DNAH2: variants seen among roughly 807,000 people sequenced by gnomAD.
DNAH2 encodes the protein axonemal beta dynein heavy chain 2.
In DNAH2, 323 loss-of-function variants were observed where a neutral mutation model predicts 523.5. That is an observed-to-expected ratio of 0.62 (90% CI 0.56 to 0.68). The LOEUF is 0.68. DNAH2 is among the 30% of genes least tolerant of loss of function. The pLI, the probability that DNAH2 is intolerant of heterozygous loss-of-function variation, is 0.00. For missense variants in DNAH2, 4,907 were observed against 5,701.5 expected (o/e 0.86, Z 4.49); for synonymous variants, 2,093 against 2,177.4 (o/e 0.96, Z 1.08).
intron 77 of DNAH2, among the ~76,000 whole-genome samples, chr17:7,827,715 G>A (rs190411671): frequency 6.6e-6 from 1 of 151,436 alleles, no homozygotes; most frequent in Admixed American, 6.6e-5. Context: ...CAAACTGTTG[G>A]GATTACACGC....
In DNAH2 at chr17:7,821,740, T is replaced by C. The variant is rs964193545; in HGVS notation, c.11142+371T>C. ...CAGCTTTTCTCCTCTCTCTGTCGCA[T>C]CTACCGCTCTGGCTAGATCCAGCTC... On this transcript the variant is annotated intron_variant, in intron 73 of 85. Transcript: ENST00000572933. The surrounding 1 kb of genome is among the most constrained non-coding windows in gnomAD (Gnocchi z 5.0). Among the ~76,000 whole-genome samples the C allele has an allele frequency of 1.3e-5, 2 of 152,116 alleles. No individual in the cohort carries two copies. Among genetic ancestry groups the C allele is most frequent in the African/African-American group, 4.8e-5 (2 of 41,396 alleles).
intron 5 of DNAH2, among the ~76,000 whole-genome samples, chr17:7,733,712 C>T (rs2075059591): frequency 6.6e-6 from 1 of 152,032 alleles, no homozygotes; most frequent in South Asian, 2.1e-4. Context: ...CTCCTGACCT[C>T]ATGATCCACC....
rs917946041 is a variant in DNAH2, at chr17:7,793,351, G to C, written c.7569+146G>C. On this transcript the variant is annotated intron_variant, in intron 48 of 85. Coordinates refer to ENST00000572933, the MANE Select transcript of DNAH2 (RefSeq NM_020877.5). ...GTCCTTCTCCATGACAGCAGTTCTCGGCTCCCCACTCACGAGCCAGGCATC... is the reference window on the plus strand; with the variant it reads ...GTCCTTCTCCATGACAGCAGTTCTCCGCTCCCCACTCACGAGCCAGGCATC... The C allele has an allele frequency of 3.8e-6, 3 of 779,918 alleles. No individual in the cohort carries two copies. The Admixed American group carries it at 8.7e-5, about 23-fold the overall frequency. 48.3% of individuals were successfully genotyped at this position (779,918 alleles called of 1,614,324 possible). A position where few individuals can be genotyped will look rare whatever the true frequency, so the allele number is the denominator to read the frequency against.
At chr17:7,825,598 A>C (rs571761676) in intron 77 of DNAH2, among the ~76,000 whole-genome samples, 1 of 152,336 alleles carries the variant, frequency 6.6e-6, no homozygotes, top group African/African-American at 2.4e-5. Context: ...CCAGATTGCA[A>C]TACTTACTCC....
intron 3 of DNAH2, among the ~76,000 whole-genome samples, chr17:7,723,991 G>C (rs1428118045): frequency 6.6e-6 from 1 of 152,154 alleles, no homozygotes; most frequent in Non-Finnish European, 1.5e-5. Flanking sequence ...TGAATGAGCT[G>C]GGAAGATATT....
chr17:7,810,636 G>A (rs899768621), intron 63 of DNAH2, among the ~76,000 whole-genome samples: 9 of 152,040 alleles, frequency 5.9e-5, no homozygotes, highest in African/African-American at 1.7e-4. Context: ...TGATCTGCCC[G>A]TCTCGGCCTC....
In DNAH2 at chr17:7,831,689, A is replaced by G. The variant is rs778577605; in HGVS notation, c.12640A>G (p.Ile4214Val). The G allele has an allele frequency of 4.3e-6, 7 of 1,614,036 alleles. No individual in the cohort carries two copies. The African/African-American group carries it at 9.3e-5, about 22-fold the overall frequency. Residue 4214 changes from isoleucine to valine, a missense_variant, in exon 82 of 86, where the codon ATC (isoleucine) becomes GTC (valine). Transcript: ENST00000572933. This position sits in a 1 kb window ranked among gnomAD's most constrained non-coding sequence, Gnocchi z 4.2. ...LFSLTDLEKG[I>V]QGLIVMSTSL... ...CTCACTGACAGACCTAGAGAAAGGC[A>G]TCCAGGGTCTCATCGTCATGTCTAC... is the stretch of plus-strand genomic sequence containing the variant.
At chr17:7,753,552 A>ATAG (rs1251368437) in intron 12 of DNAH2, among the ~76,000 whole-genome samples, 2 of 152,152 alleles carry the variant, frequency 1.3e-5, no homozygotes, top group African/African-American at 4.8e-5. Context: ...TGGAGAGAGG[A>ATAG]GGATACTCCT....
chr17:7,816,078 G>A (rs1391651893), intron 63 of DNAH2, among the ~76,000 whole-genome samples: 1 of 152,190 alleles, frequency 6.6e-6, no homozygotes, highest in Non-Finnish European at 1.5e-5. Context: ...GGGATTACAG[G>A]CATGAGCCAC....
Position 7,788,118 on chromosome 17 carries a change from A to C in DNAH2, c.6774A>C (p.Glu2258Asp), listed in dbSNP as rs1477563619. ...TGGAGCCCCTTCAACGCATGTTCGA[A>C]AAGCTCATCAACAAGATGCTGGCCT... is the stretch of plus-strand genomic sequence containing the variant. ...AEVEPLQRMF[E>D]KLINKMLAFK... The change falls in exon 44 of 86, where the codon GAA becomes GAC. Residue 2258 changes from glutamate (E) to aspartate (D), a missense_variant. Coordinates refer to ENST00000572933, the MANE Select transcript of DNAH2 (RefSeq NM_020877.5). 1 of 1,614,248 alleles carries C rather than the reference A, an allele frequency of 6.2e-7. No individual in the cohort carries two copies. The highest frequency in any genetic ancestry group is 2.2e-5 in the East Asian group (1 of 44,886).
At chr17:7,775,175 C>T in intron 29 of DNAH2, 66 bp from the exon 30 acceptor site, 1 of 1,532,444 alleles carries the variant, frequency 6.5e-7, no homozygotes, top group Non-Finnish European at 8.9e-7. Flanking sequence ...TCAAAAGGCC[C>T]CAGGACTTCT....
chr17:7,752,420 G>C (rs1006298249), intron 12 of DNAH2, among the ~76,000 whole-genome samples: 1 of 152,018 alleles, frequency 6.6e-6, no homozygotes, highest in African/African-American at 2.4e-5. Flanking sequence ...CGTAAAACTT[G>C]TATGTTCAGG....
intron 8 of DNAH2, chr17:7,739,148 G>A: frequency 1.7e-6 from 1 of 572,982 alleles, no homozygotes; most frequent in Non-Finnish European, 3.2e-6. Flanking sequence ...GCTCACGCCT[G>A]TAATCCCAGC....
chr17:7,768,214 C>A lies in DNAH2; in HGVS notation c.3888C>A (p.Phe1296Leu). 6.2e-7 allele frequency: 1 copy of A among 1,614,158 alleles called. No individual in the cohort carries two copies. The highest frequency in any genetic ancestry group is 8.5e-7 in the Non-Finnish European group (1 of 1,180,020). ...IETTRSKIEQFKRTMPLISDL... is the reference protein window; with the variant it reads ...IETTRSKIEQLKRTMPLISDL... ...CCACTCGCTCAAAAATAGAGCAGTT[C>A]AAGAGGACCATGCCTCTCATCTCAG... The change falls in exon 24 of 86, where the codon TTC (phenylalanine) becomes TTA (leucine). Residue 1296 changes from phenylalanine to leucine, a missense_variant. Phe to Leu is a conservative substitution (Grantham distance 22). This residue lies in a region of DNAH2 where 2,806 missense variants were observed against 3,190.8 expected (regional missense o/e 0.88). Transcript: ENST00000572933.
At position 7,807,527 on chromosome 17, in the gene DNAH2, T is replaced by A. The variant is rs764025213; in HGVS notation, c.9670T>A (p.Leu3224Met). ...CAAGCGAATCCGAATGAACGCTGCCTTGGCTCAGCTTCGGGAGAAGCAAGC... is the reference window on the plus strand; with the variant it reads ...CAAGCGAATCCGAATGAACGCTGCCATGGCTCAGCTTCGGGAGAAGCAAGC... ...EPKRIRMNAA[L>M]AQLREKQAAL... The change falls in exon 63 of 86, where the codon TTG (leucine) becomes ATG (methionine). Residue 3224 changes from leucine to methionine, a missense_variant. Physicochemically the swap from Leu to Met is conservative, Grantham distance 15 (BLOSUM62 2). Transcript: ENST00000572933. This position sits in a 1 kb window ranked among gnomAD's most constrained non-coding sequence, Gnocchi z 5.6. 6.2e-7 allele frequency: 1 copy of A among 1,613,444 alleles called. No individual in the cohort carries two copies. The highest frequency in any genetic ancestry group is 8.5e-7 in the Non-Finnish European group (1 of 1,180,020).
At chr17:7,763,728 C>A (rs2090218074) in intron 18 of DNAH2, 103 bp from the exon 19 acceptor site, 3 of 1,399,112 alleles carry the variant, frequency 2.1e-6, no homozygotes, top group Non-Finnish European at 3.0e-6. Flanking sequence ...AGAACTGCTG[C>A]CCAGGTTTGG....
In DNAH2 at chr17:7,832,366, C is replaced by T. The variant is rs1212167620; in HGVS notation, c.12727-213C>T. On this transcript the variant is annotated intron_variant, in intron 82 of 85. Transcript: ENST00000572933. The surrounding 1 kb of genome is among the most constrained non-coding windows in gnomAD (Gnocchi z 4.3). ...CTACTAAAAAAATACAAAAATTAGC[C>T]GGGCGTGATGGTGGGCGCCTGTAAT... Among the ~76,000 whole-genome samples, 1 of 151,858 alleles carries T rather than the reference C, an allele frequency of 6.6e-6. No homozygotes were observed. The highest frequency in any genetic ancestry group is 2.4e-5 in the African/African-American group (1 of 41,318).
chr17:7,826,522 G>C lies in DNAH2; in HGVS notation c.11853+1795G>C, dbSNP rs542449957. Among the ~76,000 whole-genome samples the C allele has an allele frequency of 7.4e-5, 11 of 148,056 alleles. No homozygotes were observed. In the South Asian group the frequency reaches 2.1e-3, roughly 29 times the overall value. On this transcript the variant is annotated intron_variant, in intron 77 of 85. Coordinates refer to ENST00000572933, the MANE Select transcript of DNAH2 (RefSeq NM_020877.5). ...AAGGATCATGATTCCTTGAATATCTGTGTGCCCATCATCTTTTTTTTTTTT... is the reference window on the plus strand; with the variant it reads ...AAGGATCATGATTCCTTGAATATCTCTGTGCCCATCATCTTTTTTTTTTTT...
At position 7,831,285 on chromosome 17, in the gene DNAH2, A is replaced by G; in HGVS notation, c.12430A>G (p.Arg4144Gly). ...LSLQPQITPTRAGGQTREEKV... is the reference protein window; with the variant it reads ...LSLQPQITPTGAGGQTREEKV... The stretch of plus-strand genomic sequence containing the variant: ...CTTGCAACCTCAGATTACACCCACC[A>G]GGGCTGGAGGCCAGACCCGGGAAGA... Residue 4144 changes from arginine (R) to glycine (G), a missense_variant, in exon 80 of 86, where the codon AGG (arginine) becomes GGG (glycine). Transcript: ENST00000572933. The surrounding 1 kb of genome is among the most constrained non-coding windows in gnomAD (Gnocchi z 4.2). 3.1e-6 allele frequency: 5 copies of G among 1,614,096 alleles called. No homozygotes were observed. Among genetic ancestry groups the G allele is most frequent in the Non-Finnish European group, 3.4e-6 (4 of 1,180,032 alleles).
Sources: allele counts gnomAD v4.1 joint callset (sites outside exome capture counted in the v4.1 genomes callset), GRCh38; gene constraint gnomAD v4.1.1; regional missense constraint gnomAD v4.1.1; non-coding constraint Gnocchi (gnomAD v3.1); transcripts MANE v1.5; gene names NCBI Gene and HGNC (gene_info 2026-07-23, HGNC 2026-07-21).